SRC: variants seen among roughly 807,000 people sequenced by gnomAD.
SRC encodes the protein proto-oncogene tyrosine-protein kinase Src.
Under a neutral mutation model 62.9 loss-of-function variants are expected in SRC, and 13 were observed. The ratio of observed to expected loss-of-function variants is 0.21; its 90% confidence interval spans 0.13 to 0.33. SRC has a LOEUF of 0.33. Among genes scored for constraint, SRC ranks in the 10% least tolerant of loss-of-function variants. The pLI, the probability that SRC is intolerant of heterozygous loss-of-function variation, is 1.00. For synonymous variants in SRC, 302 were observed against 317.5 expected (o/e 0.95, Z 0.52); for missense variants, 457 against 737.3 (o/e 0.62, Z 4.40).
chr20:37,402,302 A>C lies in SRC; in HGVS notation c.1117-133A>C. ...TCGATGCCAACAGCATTTACTGTGA[A>C]CTGACCTCACTTGCCTGAAGAAGTG... is the stretch of plus-strand genomic sequence containing the variant. On this transcript the variant is annotated intron_variant, in intron 11 of 13. Transcript: ENST00000373578. The surrounding 1 kb of genome is among the most constrained non-coding windows in gnomAD (Gnocchi z 6.2). 9.1e-7 allele frequency: 1 copy of C among 1,098,872 alleles called. No individual in the cohort carries two copies. Among genetic ancestry groups the C allele is most frequent in the Non-Finnish European group, 1.3e-6 (1 of 766,322 alleles). 68.1% of individuals were successfully genotyped at this position (1,098,872 alleles called of 1,614,324 possible). A position where few individuals can be genotyped will look rare whatever the true frequency, so the allele number is the denominator to read the frequency against.
intron 2 of SRC, among the ~76,000 whole-genome samples, chr20:37,367,307 TG>T (rs1404400445): frequency 1.3e-5 from 2 of 151,732 alleles, no homozygotes; most frequent in African/African-American, 4.8e-5. Context: ...CTCGAACTCC[TG>T]GGCTCAAGTG....
rs2070779146 is a variant in SRC, at chr20:37,403,666, AGGAACCAGGAGAAGGGCT to A, written c.*290_*307del. 3 of 470,742 alleles carry A rather than the reference AGGAACCAGGAGAAGGGCT, an allele frequency of 6.4e-6. No individual in the cohort carries two copies. The highest frequency in any genetic ancestry group is 1.9e-5 in the African/African-American group (1 of 52,284). 29.2% of individuals were successfully genotyped at this position (470,742 alleles called of 1,614,324 possible). A position where few individuals can be genotyped will look rare whatever the true frequency, so the allele number is the denominator to read the frequency against. On this transcript the variant is annotated 3_prime_UTR_variant, in exon 14 of 14. Coordinates refer to ENST00000373578, the MANE Select transcript of SRC (RefSeq NM_198291.3). The surrounding 1 kb of genome is among the most constrained non-coding windows in gnomAD (Gnocchi z 7.1). ...CTGGAGCTCTGTGGGTCTCTGGAAG[AGGAACCAGGAGAAGGGCT>A]GGGGCCGGGGCTGAGGGTGCCCTTT...
intron 2 of SRC, among the ~76,000 whole-genome samples, chr20:37,374,036 T>C (rs898564011): frequency 2.6e-5 from 4 of 152,022 alleles, no homozygotes; most frequent in Non-Finnish European, 5.9e-5. Context: ...CTTGGGTTTT[T>C]TTTTAATTGG....
chr20:37,394,104 C>A, intron 6 of SRC, 70 bp from the exon 7 acceptor site: 1 of 1,563,446 alleles, frequency 6.4e-7, no homozygotes, highest in Non-Finnish European at 8.8e-7. Context: ...CCAGCCATAT[C>A]CAGGGAGAAG....
In SRC at chr20:37,402,998, G is replaced by A. The variant is rs55724514; in HGVS notation, c.1402+118G>A. The A allele has an allele frequency of 6.0e-3, 8,437 of 1,417,038 alleles. 28 individuals carry two copies. Among genetic ancestry groups the A allele is most frequent in the Non-Finnish European group, 6.9e-3 (7,363 of 1,060,658 alleles). 87.8% of individuals were successfully genotyped at this position (1,417,038 alleles called of 1,614,324 possible). ...CACCCGTAAAACAAAGAAGTTGAGC[G>A]TCTGATGTTAGGCTCTCTCGATGGT... On this transcript the variant is annotated intron_variant, in intron 13 of 13. Coordinates refer to ENST00000373578, the MANE Select transcript of SRC (RefSeq NM_198291.3). This position sits in a 1 kb window ranked among gnomAD's most constrained non-coding sequence, Gnocchi z 6.2.
intron 2 of SRC, among the ~76,000 whole-genome samples, chr20:37,380,448 T>C (rs1314864945): frequency 6.6e-6 from 1 of 152,182 alleles, no homozygotes; most frequent in East Asian, 1.9e-4. Flanking sequence ...ACCTCCTAGA[T>C]TATCATGAGG....
At chr20:37,379,402 G>A (rs559438486) in intron 2 of SRC, among the ~76,000 whole-genome samples, 10 of 152,222 alleles carry the variant, frequency 6.6e-5, no homozygotes, top group Non-Finnish European at 1.3e-4. Flanking sequence ...GAAGTGCAAG[G>A]ATAGAGCTCT....
At chr20:37,380,949 G>A (rs1162135463) in intron 2 of SRC, among the ~76,000 whole-genome samples, 2 of 151,618 alleles carry the variant, frequency 1.3e-5, no homozygotes, top group Admixed American at 6.6e-5. Flanking sequence ...GTAACGTTCC[G>A]TGCCATCCTG....
In SRC at chr20:37,386,062, C is replaced by A. The variant is rs529267520; in HGVS notation, c.251-13C>A. 1.4e-5 allele frequency: 22 copies of A among 1,608,900 alleles called. No homozygotes were observed. The African/African-American group carries it at 2.5e-4, about 19-fold the overall frequency. On this transcript the variant is annotated splice_polypyrimidine_tract_variant and intron_variant, in intron 4 of 13. Coordinates refer to ENST00000373578, the MANE Select transcript of SRC (RefSeq NM_198291.3). ...GGCCCCACTGTTCTGACACACCCCACCCCTCTCTGCAGGTGGAGTGACCAC... is the reference window on the plus strand; with the variant it reads ...GGCCCCACTGTTCTGACACACCCCAACCCTCTCTGCAGGTGGAGTGACCAC...
chr20:37,402,190 G>T lies in SRC; in HGVS notation c.1117-245G>T. 1 of 462,712 alleles carries T rather than the reference G, an allele frequency of 2.2e-6. No homozygotes were observed. Among genetic ancestry groups the T allele is most frequent in the Non-Finnish European group, 3.8e-6 (1 of 262,358 alleles). 28.7% of individuals were successfully genotyped at this position (462,712 alleles called of 1,614,324 possible). ...TCACCTCGCTTTCCTGGCTGCATCG[G>T]ATCTCGTGCCTCCCCTTTGACCTTT... On this transcript the variant is annotated intron_variant, in intron 11 of 13. Transcript: ENST00000373578. This position sits in a 1 kb window ranked among gnomAD's most constrained non-coding sequence, Gnocchi z 6.2.
intron 2 of SRC, among the ~76,000 whole-genome samples, chr20:37,374,729 C>A (rs1295521389): frequency 6.6e-6 from 1 of 151,948 alleles, no homozygotes; most frequent in Non-Finnish European, 1.5e-5. Flanking sequence ...CATGTGCCAC[C>A]ACACCTGGCT....
At position 37,397,157 on chromosome 20, in the gene SRC, C is replaced by T. The variant is rs985855678; in HGVS notation, c.704-542C>T. ...GCCACCCTTCCCCACCTGCTCCCTG[C>T]GCCCCTTTGTCCTCCGCTTCTCCAG... On this transcript the variant is annotated intron_variant, in intron 8 of 13. Coordinates refer to ENST00000373578, the MANE Select transcript of SRC (RefSeq NM_198291.3). The surrounding 1 kb of genome is among the most constrained non-coding windows in gnomAD (Gnocchi z 4.1). 5.9e-5 allele frequency among the ~76,000 whole-genome samples: 9 copies of T among 152,182 alleles called. No individual in the cohort carries two copies. The highest frequency in any genetic ancestry group is 2.2e-4 in the African/African-American group (9 of 41,452).
intron 1 of SRC, among the ~76,000 whole-genome samples, chr20:37,364,188 G>A (rs2070026342): frequency 6.6e-6 from 1 of 152,152 alleles, no homozygotes. Context: ...GGCCTCCTTT[G>A]AGGAATGGGC....
intron 9 of SRC, among the ~76,000 whole-genome samples, chr20:37,399,476 C>T (rs924673801): frequency 1.3e-5 from 2 of 152,164 alleles, no homozygotes; most frequent in African/African-American, 4.8e-5. Flanking sequence ...ACATGACTAA[C>T]CCAGAAGTGA....
intron 2 of SRC, among the ~76,000 whole-genome samples, chr20:37,373,398 T>G (rs544402996): frequency 6.6e-6 from 1 of 151,466 alleles, no homozygotes; most frequent in Non-Finnish European, 1.5e-5. Flanking sequence ...CATATATGCG[T>G]ATATATACGC....
chr20:37,374,934 A>G (rs565399968), intron 2 of SRC, among the ~76,000 whole-genome samples: 1 of 140,428 alleles, frequency 7.1e-6, no homozygotes, highest in East Asian at 2.2e-4. Context: ...TTCTTTTTCT[A>G]TTCTTTTTTT....
intron 1 of SRC, among the ~76,000 whole-genome samples, chr20:37,354,381 G>A (rs931370282): frequency 6.6e-6 from 1 of 152,202 alleles, no homozygotes; most frequent in Non-Finnish European, 1.5e-5. Context: ...ACCCGGTGGG[G>A]CTGGGGTGGG....
At chr20:37,368,330 A>T (rs952485895) in intron 2 of SRC, among the ~76,000 whole-genome samples, 10 of 152,048 alleles carry the variant, frequency 6.6e-5, no homozygotes, top group Non-Finnish European at 1.2e-4. Context: ...AGGCAGGACA[A>T]TCACTTGAAT....
Position 37,405,330 on chromosome 20 carries a change from G to T in SRC, c.*1951G>T, listed in dbSNP as rs1393682029. The stretch of plus-strand genomic sequence containing the variant: ...CGGGCCTGGGGCTCCGAAATTCCAA[G>T]GCCCAGACTTGCGGGGGGTGGGGGG... On this transcript the variant is annotated 3_prime_UTR_variant, in exon 14 of 14. Transcript: ENST00000373578. The T allele has an allele frequency of 5.1e-6, 1 of 196,274 alleles. No homozygotes were observed. The highest frequency in any genetic ancestry group is 1.0e-5 in the Non-Finnish European group (1 of 96,702). 12.2% of individuals were successfully genotyped at this position (196,274 alleles called of 1,614,324 possible).
Sources: gnomAD v4.1 joint callset for allele counts (sites outside exome capture counted in the v4.1 genomes callset) on GRCh38, gnomAD v4.1.1 for gene constraint, Gnocchi (gnomAD v3.1) non-coding constraint, MANE v1.5 for transcripts, NCBI Gene and HGNC (gene_info 2026-07-23, HGNC 2026-07-21) for gene names.